TTC28: variants seen among roughly 807,000 people sequenced by gnomAD.
TTC28 encodes tetratricopeptide repeat domain 28.
Under a neutral mutation model 198.0 loss-of-function variants are expected in TTC28, and 61 were observed. The observed-to-expected ratio is 0.31, with a 90% CI of 0.25 to 0.38. The LOEUF (loss-of-function observed/expected upper bound fraction) is 0.38, where lower values mean the gene tolerates loss of function less well. Among genes scored for constraint, TTC28 ranks in the 10% least tolerant of loss-of-function variants. TTC28 has a pLI of 1.00. For synonymous variants in TTC28, 1,171 were observed against 1,297.8 expected (o/e 0.90, Z 2.10); for missense variants, 2,678 against 3,164.0 (o/e 0.85, Z 3.69).
chr22:28,606,462 T>C (rs2146135267), intron 2 of TTC28, among the ~76,000 whole-genome samples: 1 of 152,292 alleles, frequency 6.6e-6, no homozygotes, highest in East Asian at 1.9e-4. Flanking sequence ...TGTGAGTACA[T>C]GTGTTTATGT....
intron 2 of TTC28, among the ~76,000 whole-genome samples, chr22:28,396,872 A>G (rs962067253): frequency 3.3e-5 from 5 of 152,142 alleles, no homozygotes; most frequent in African/African-American, 9.7e-5. Context: ...ATGCTTCCCA[A>G]AAGAGGGCAC....
chr22:28,567,486 A>ATATATATG (rs2049994364), intron 2 of TTC28, among the ~76,000 whole-genome samples: 1 of 112,608 alleles, frequency 8.9e-6, no homozygotes, highest in Non-Finnish European at 1.8e-5. Flanking sequence ...ATACATATAT[A>ATATATATG]TATATATATA....
intron 1 of TTC28, among the ~76,000 whole-genome samples, chr22:28,639,334 T>C (rs921086089): frequency 6.6e-6 from 1 of 152,228 alleles, no homozygotes; most frequent in African/African-American, 2.4e-5. Flanking sequence ...TTTACACTTC[T>C]ACCAACAATT....
At chr22:28,617,969 T>C (rs539802418) in intron 2 of TTC28, among the ~76,000 whole-genome samples, 12 of 152,198 alleles carry the variant, frequency 7.9e-5, no homozygotes, top group Middle Eastern at 3.4e-3. Context: ...TCAGCTGACC[T>C]ACAAAATAAA....
At chr22:28,663,277 A>G (rs909241610) in intron 1 of TTC28, among the ~76,000 whole-genome samples, 1 of 151,516 alleles carries the variant, frequency 6.6e-6, no homozygotes, top group African/African-American at 2.4e-5. Context: ...AGAAAGAAAG[A>G]AAAAGAGAGG....
chr22:28,553,767 G>A (rs995200899), intron 2 of TTC28, among the ~76,000 whole-genome samples: 4 of 149,676 alleles, frequency 2.7e-5, no homozygotes, highest in Admixed American at 1.3e-4. Context: ...TCAGCCCCCC[G>A]CCCGGCCAGC....
At position 28,611,928 on chromosome 22, in the gene TTC28, G is replaced by A. The variant is rs550157247; in HGVS notation, c.381+17624C>T. ...TGAAGGAAGCACTGCATCAACTAACGGGCAAAATAACCAGATAGCATCATA... is the reference window on the plus strand; with the variant it reads ...TGAAGGAAGCACTGCATCAACTAACAGGCAAAATAACCAGATAGCATCATA... On this transcript the variant is annotated intron_variant, in intron 2 of 22. Coordinates refer to ENST00000397906, the MANE Select transcript of TTC28 (RefSeq NM_001145418.2). Among the ~76,000 whole-genome samples the A allele has an allele frequency of 6.6e-5, 10 of 152,026 alleles. No individual in the cohort carries two copies. The South Asian group carries it at 8.3e-4, about 13-fold the overall frequency.
At chr22:28,525,595 T>C (rs2048990809) in intron 2 of TTC28, among the ~76,000 whole-genome samples, 1 of 152,222 alleles carries the variant, frequency 6.6e-6, no homozygotes, top group Non-Finnish European at 1.5e-5. Flanking sequence ...AACTTCATTT[T>C]TTCTTTTATA....
At chr22:28,084,758 T>G (rs1439005839) in intron 12 of TTC28, among the ~76,000 whole-genome samples, 1 of 151,850 alleles carries the variant, frequency 6.6e-6, no homozygotes. Flanking sequence ...AGTTAAAAAC[T>G]TTGAAAAAAA....
intron 5 of TTC28, among the ~76,000 whole-genome samples, chr22:28,279,184 CT>C (rs2044530577): frequency 6.6e-6 from 1 of 152,134 alleles, no homozygotes; most frequent in South Asian, 2.1e-4. Flanking sequence ...GCTAAATGTG[CT>C]TTATAACATA....
chr22:28,349,650 A>T (rs561443968), intron 2 of TTC28, among the ~76,000 whole-genome samples: 1 of 152,342 alleles, frequency 6.6e-6, no homozygotes, highest in South Asian at 2.1e-4. Flanking sequence ...CCTCTTACAC[A>T]AAATAGAAAT....
intron 2 of TTC28, among the ~76,000 whole-genome samples, chr22:28,351,075 T>C (rs1196430655): frequency 6.6e-6 from 1 of 151,942 alleles, no homozygotes; most frequent in Admixed American, 6.6e-5. Flanking sequence ...CCCAGCTACT[T>C]GGGAGACTGA....
intron 6 of TTC28, among the ~76,000 whole-genome samples, chr22:28,150,264 T>A (rs748208605): frequency 9.2e-5 from 14 of 152,200 alleles, no homozygotes; most frequent in Non-Finnish European, 1.9e-4. Context: ...ATACTTCTTT[T>A]TATCATCAAA....
intron 2 of TTC28, among the ~76,000 whole-genome samples, chr22:28,448,607 T>C (rs1242589351): frequency 6.6e-6 from 1 of 152,204 alleles, no homozygotes; most frequent in South Asian, 2.1e-4. Context: ...AGAAGTGTAT[T>C]TGACACCACA....
intron 5 of TTC28, among the ~76,000 whole-genome samples, chr22:28,255,467 A>G (rs1930833546): frequency 6.6e-6 from 1 of 152,102 alleles, no homozygotes; most frequent in Non-Finnish European, 1.5e-5. Flanking sequence ...GGATCACCTG[A>G]GGTCAGGAGT....
chr22:28,403,971 C>A (rs770594322), intron 2 of TTC28, among the ~76,000 whole-genome samples: 1 of 152,186 alleles, frequency 6.6e-6, no homozygotes, highest in African/African-American at 2.4e-5. Flanking sequence ...GCTTAGGTAA[C>A]AAGCCTCCAT....
intron 2 of TTC28, among the ~76,000 whole-genome samples, chr22:28,362,438 G>T (rs134511): frequency 0.84 from 127,809 of 152,052 alleles, 53,918 homozygotes; most frequent in East Asian, 0.99. Flanking sequence ...CCAGTCTTGG[G>T]TATGTCTTTA....
intron 2 of TTC28, among the ~76,000 whole-genome samples, chr22:28,409,663 C>CT (rs752670702): frequency 0.011 from 1,584 of 139,972 alleles, 15 homozygotes; most frequent in Admixed American, 0.017. Context: ...TTTTCTTTTT[C>CT]TTTTTTTTTT....
intron 12 of TTC28, among the ~76,000 whole-genome samples, chr22:28,034,402 C>T (rs888923711): frequency 6.6e-6 from 1 of 152,216 alleles, no homozygotes; most frequent in South Asian, 2.1e-4. Context: ...GCTCTGGACC[C>T]TTGGCCCTGC....
Sources: allele counts gnomAD v4.1 joint callset (sites outside exome capture counted in the v4.1 genomes callset), GRCh38; gene constraint gnomAD v4.1.1; transcripts MANE v1.5; gene names NCBI Gene and HGNC (gene_info 2026-07-23, HGNC 2026-07-21).